The following KIFAP3 variants were observed in gnomAD, a reference collection of about 807,000 sequenced individuals.
The protein encoded by KIFAP3 is kinesin-associated protein 3.
In KIFAP3, 68 loss-of-function variants were observed where a neutral mutation model predicts 106.5. That is an observed-to-expected ratio of 0.64 (90% CI 0.53 to 0.78). The LOEUF is 0.78. Among genes scored for constraint, KIFAP3 ranks in the 30% least tolerant of loss-of-function variants. The pLI is 0.00. For synonymous variants in KIFAP3, 320 were observed against 311.5 expected, an observed-to-expected ratio of 1.03 and a Z score of -0.29; for missense variants, 780 against 941.8, an observed-to-expected ratio of 0.83 and a Z score of 2.25.
chr1:169,993,659 T>G (rs1282978122), intron 10 of KIFAP3, among the ~76,000 whole-genome samples: 41,739 of 44,258 alleles, frequency 0.94, 19,655 homozygotes, highest in African/African-American at 0.95. Flanking sequence ...AGGTGAGGCT[T>G]GCAGTGAGCC....
At chr1:169,928,899 T>C (rs979278645) in intron 19 of KIFAP3, among the ~76,000 whole-genome samples, 1 of 152,108 alleles carries the variant, frequency 6.6e-6, no homozygotes, top group South Asian at 2.1e-4. Flanking sequence ...TGAAATCAGA[T>C]TGTAGAAGAA....
Position 169,982,173 on chromosome 1 carries a change from T to C in KIFAP3, c.1673-76A>G. On this transcript the variant is annotated intron_variant, in intron 14 of 19. Coordinates refer to ENST00000361580, the MANE Select transcript of KIFAP3 (RefSeq NM_014970.4). ...TTCATTTAGAGTATCAAAATGTAAA[T>C]ACACAGAAAGGATACTGAAAGCTAT... 5 of 1,401,256 alleles carry C rather than the reference T, an allele frequency of 3.6e-6. 1 individual carries two copies. In the Admixed American group the frequency reaches 9.4e-5, roughly 26 times the overall value. 86.8% of individuals were successfully genotyped at this position (1,401,256 alleles called of 1,614,324 possible).
chr1:169,982,404 G>A (rs1238186150), intron 14 of KIFAP3, among the ~76,000 whole-genome samples: 1 of 152,032 alleles, frequency 6.6e-6, no homozygotes, highest in African/African-American at 2.4e-5. Context: ...GCGTGTTTAT[G>A]TATATGCAGA....
intron 10 of KIFAP3, among the ~76,000 whole-genome samples, chr1:169,999,210 A>G (rs1350609846): frequency 6.6e-6 from 1 of 152,212 alleles, no homozygotes; most frequent in Non-Finnish European, 1.5e-5. Flanking sequence ...AATAAAGCTC[A>G]AGAAAAAAAA....
chr1:170,059,968 C>G (rs796654840), intron 1 of KIFAP3, among the ~76,000 whole-genome samples: 11 of 152,114 alleles, frequency 7.2e-5, no homozygotes, highest in Non-Finnish European at 8.8e-5. Context: ...ATTCAACAGC[C>G]CTTCATGCTA....
intron 19 of KIFAP3, among the ~76,000 whole-genome samples, chr1:169,933,217 T>C (rs80332903): frequency 0.035 from 5,281 of 152,114 alleles, 265 homozygotes; most frequent in African/African-American, 0.11. Flanking sequence ...GTGGGCAGTA[T>C]TATTTGATGT....
chr1:170,028,239 T>C (rs1669217957), intron 8 of KIFAP3, among the ~76,000 whole-genome samples: 2 of 152,098 alleles, frequency 1.3e-5, no homozygotes, highest in African/African-American at 2.4e-5. Context: ...ATGGTAACTC[T>C]ACAAGGAAAT....
At chr1:170,055,265 T>A in intron 2 of KIFAP3, 40 bp downstream of exon 2, 4 of 1,550,654 alleles carry the variant, frequency 2.6e-6, no homozygotes, top group Non-Finnish European at 3.5e-6. Flanking sequence ...GTTTATATAA[T>A]GTTCACTACT....
chr1:170,066,146 A>C (rs1671433004), intron 1 of KIFAP3, among the ~76,000 whole-genome samples: 1 of 145,870 alleles, frequency 6.9e-6, no homozygotes, highest in Non-Finnish European at 1.5e-5. Flanking sequence ...ATGCTGTGCT[A>C]CTTCACAAAT....
At chr1:170,039,626 T>A (rs1384851726) in intron 3 of KIFAP3, among the ~76,000 whole-genome samples, 2 of 151,862 alleles carry the variant, frequency 1.3e-5, no homozygotes, top group Non-Finnish European at 2.9e-5. Flanking sequence ...AATTCAAATT[T>A]AAGGTAGGAA....
intron 1 of KIFAP3, among the ~76,000 whole-genome samples, chr1:170,070,269 T>C (rs1432955107): frequency 1.3e-5 from 2 of 152,100 alleles, no homozygotes; most frequent in South Asian, 2.1e-4. Context: ...AAAGTTTCAA[T>C]AGCTTTTTTT....
intron 15 of KIFAP3, 135 bp from the exon 16 acceptor site, chr1:169,978,318 C>G (rs939916459): frequency 4.0e-5 from 23 of 578,014 alleles, no homozygotes; most frequent in Non-Finnish European, 6.4e-5. Flanking sequence ...GATTTAACTT[C>G]TATGTTCCTA....
At chr1:170,063,086 T>A (rs1194122741) in intron 1 of KIFAP3, among the ~76,000 whole-genome samples, 1 of 152,138 alleles carries the variant, frequency 6.6e-6, no homozygotes, top group Non-Finnish European at 1.5e-5. Flanking sequence ...TTTGTAAGAC[T>A]AATGAAAGGC....
intron 1 of KIFAP3, 64 bp from the exon 2 acceptor site, chr1:170,055,500 C>T: frequency 1.5e-6 from 2 of 1,366,958 alleles, no homozygotes; most frequent in East Asian, 2.4e-5. Context: ...TGGTTTTTAT[C>T]TATTTTTAGG....
intron 1 of KIFAP3, chr1:170,068,699 A>AC (rs1407324470): frequency 6.6e-6 from 1 of 152,034 alleles, no homozygotes; most frequent in Non-Finnish European, 1.5e-5. Context: ...CCAAAGACAA[A>AC]CTTACACATC....
intron 3 of KIFAP3, among the ~76,000 whole-genome samples, chr1:170,043,768 C>T (rs959391189): frequency 2.9e-4 from 44 of 152,010 alleles, no homozygotes; most frequent in Non-Finnish European, 1.5e-5. Context: ...TGGGTCTCAT[C>T]CCAGCAGAGT....
At chr1:170,029,585 A>AAACAAC (rs151182859) in intron 8 of KIFAP3, among the ~76,000 whole-genome samples, 70 of 151,428 alleles carry the variant, frequency 4.6e-4, no homozygotes, top group Non-Finnish European at 7.8e-4. Flanking sequence ...GCTTCCACTT[A>AAACAAC]AACAACAACA....
At position 170,048,245 on chromosome 1, in the gene KIFAP3, T is replaced by C. The variant is rs199840069; in HGVS notation, c.165-1379A>G. On this transcript the variant is annotated intron_variant, in intron 2 of 19. Transcript: ENST00000361580. ...TTAAATTTGCTAGAGTGCCTTCTAA[T>C]GTTTACAAGAAGAACTCTAGCAGTA... Among the ~76,000 whole-genome samples, 3 of 152,080 alleles carry C rather than the reference T, an allele frequency of 2.0e-5. No homozygotes were observed. In the East Asian group the frequency reaches 5.8e-4, roughly 29 times the overall value.
intron 10 of KIFAP3, among the ~76,000 whole-genome samples, chr1:170,006,280 C>A (rs1667956428): frequency 6.6e-6 from 1 of 152,076 alleles, no homozygotes; most frequent in Non-Finnish European, 1.5e-5. Flanking sequence ...AACCACCCAC[C>A]AAATATTTAT....
Sources: gnomAD v4.1 joint callset for allele counts (sites outside exome capture counted in the v4.1 genomes callset) on GRCh38, gnomAD v4.1.1 for gene constraint, MANE v1.5 for transcripts, NCBI Gene and HGNC (gene_info 2026-07-23, HGNC 2026-07-21) for gene names.